The following EPB41L5 variants were observed in gnomAD, a reference collection of about 807,000 sequenced individuals.
EPB41L5 encodes the protein erythrocyte membrane protein band 4.1 like 5.
A neutral mutation model predicts 106.6 loss-of-function variants in EPB41L5; 55 were observed. The observed-to-expected ratio is 0.52, with a 90% confidence interval of 0.42 to 0.65. The LOEUF (loss-of-function observed/expected upper bound fraction) is 0.65, where lower values mean the gene tolerates loss of function less well. EPB41L5 is among the 30% of genes least tolerant of loss of function. The pLI, the probability that EPB41L5 is intolerant of heterozygous loss-of-function variation, is 0.00. For synonymous variants in EPB41L5, 297 were observed against 306.7 expected, an observed-to-expected ratio of 0.97 and a Z score of 0.33; for missense variants, 871 against 882.1, an observed-to-expected ratio of 0.99 and a Z score of 0.16.
chr2:120,102,827 A>G (rs915270905), intron 16 of EPB41L5, among the ~76,000 whole-genome samples: 3 of 152,216 alleles, frequency 2.0e-5, no homozygotes, highest in East Asian at 1.9e-4. Flanking sequence ...TTGAGAAACA[A>G]TTCATGTATT....
Position 120,063,831 on chromosome 2 carries a change from A to G in EPB41L5, c.286-9347A>G, listed in dbSNP as rs182453796. On this transcript the variant is annotated intron_variant, in intron 3 of 24. Coordinates refer to ENST00000263713, the MANE Select transcript of EPB41L5 (RefSeq NM_020909.4). The stretch of plus-strand genomic sequence containing the variant: ...GTGGCGGGCGCCTGTAATCCCAGCT[A>G]CTCAGGAGTCTGAGGCAGGAGAATC... Among the ~76,000 whole-genome samples, 450 of 152,040 alleles carry G rather than the reference A, an allele frequency of 3.0e-3. 1 individual carries two copies. Among genetic ancestry groups the G allele is most frequent in the African/African-American group, 8.8e-3 (365 of 41,494 alleles).
chr2:120,033,977 T>C (rs1366821919), intron 2 of EPB41L5, among the ~76,000 whole-genome samples: 1 of 151,970 alleles, frequency 6.6e-6, no homozygotes, highest in East Asian at 1.9e-4. Flanking sequence ...ACACCTGTGG[T>C]CCCAGCTACT....
chr2:120,149,399 C>T (rs1424709111), intron 20 of EPB41L5, among the ~76,000 whole-genome samples: 2 of 152,274 alleles, frequency 1.3e-5, no homozygotes, highest in South Asian at 2.1e-4. Context: ...CACTGCCTTT[C>T]CCCTAACCCT....
At chr2:120,072,153 C>T (rs879452614) in intron 3 of EPB41L5, among the ~76,000 whole-genome samples, 49 of 152,254 alleles carry the variant, frequency 3.2e-4, no homozygotes, top group Admixed American at 4.6e-4. Flanking sequence ...CAAAAGCAGA[C>T]ATTTATATGG....
chr2:120,100,779 A>G lies in EPB41L5; in HGVS notation c.1302A>G (p.Pro434=), dbSNP rs1434036586. The G allele has an allele frequency of 2.5e-6, 4 of 1,611,788 alleles. No individual in the cohort carries two copies. Among genetic ancestry groups the G allele is most frequent in the Middle Eastern group, 1.7e-4 (1 of 6,060 alleles). Residue 434 remains proline (P), a synonymous_variant, in exon 16 of 25, where the codon CCA becomes CCG. Coordinates refer to ENST00000263713, the MANE Select transcript of EPB41L5 (RefSeq NM_020909.4). The part of the protein sequence containing the change: ...APVPVEIENL[P]QSPGTDQHDR... The stretch of plus-strand genomic sequence containing the variant: ...TGCCAGTGGAGATAGAGAATCTTCC[A>G]CAGAGTCCTGGAACAGACCAGCATG...
chr2:120,116,988 G>C (rs1574702707), intron 16 of EPB41L5, among the ~76,000 whole-genome samples: 1 of 151,846 alleles, frequency 6.6e-6, no homozygotes, highest in Admixed American at 6.6e-5. Flanking sequence ...AAAACATCTT[G>C]GATGTTACCC....
Position 120,091,592 on chromosome 2 carries a change from GCAAGAAGAT to G in EPB41L5, c.1085_1093del (p.Arg362_Ser364del). ...GTATCAGACCACAAAAACCAATAAA[GCAAGAAGAT>G]CAACATCCTTTGAAAGAAGGCCCAG... On this transcript the variant is annotated inframe_deletion, in exon 13 of 25. Coordinates refer to ENST00000263713, the MANE Select transcript of EPB41L5 (RefSeq NM_020909.4). The G allele has an allele frequency of 6.2e-7, 1 of 1,613,752 alleles. No homozygotes were observed. Among genetic ancestry groups the G allele is most frequent in the Non-Finnish European group, 8.5e-7 (1 of 1,179,826 alleles).
chr2:120,120,415 GA>G (rs1685159386), intron 16 of EPB41L5, among the ~76,000 whole-genome samples: 1 of 123,248 alleles, frequency 8.1e-6, no homozygotes, highest in Non-Finnish European at 1.6e-5. Flanking sequence ...CTGGGTGACA[GA>G]GCGACACTCA....
At chr2:120,110,749 C>G (rs1477641540) in intron 16 of EPB41L5, among the ~76,000 whole-genome samples, 2 of 151,874 alleles carry the variant, frequency 1.3e-5, no homozygotes, top group African/African-American at 4.8e-5. Context: ...ATTCTCCAGC[C>G]TCAGCTTCCG....
At chr2:120,096,388 ACTCT>A (rs1179686828) in intron 14 of EPB41L5, among the ~76,000 whole-genome samples, 1 of 150,898 alleles carries the variant, frequency 6.6e-6, no homozygotes, top group African/African-American at 2.4e-5. Flanking sequence ...TTTCTGTGAA[ACTCT>A]CTCCGTGAGA....
chr2:120,130,926 A>C (rs1308132063), intron 17 of EPB41L5, among the ~76,000 whole-genome samples: 5 of 152,210 alleles, frequency 3.3e-5, no homozygotes, highest in African/African-American at 1.2e-4. Context: ...TCAAGTTGAC[A>C]GTGTAAAATT....
intron 10 of EPB41L5, among the ~76,000 whole-genome samples, chr2:120,081,236 T>C (rs1393546388): frequency 6.6e-6 from 1 of 152,174 alleles, no homozygotes; most frequent in African/African-American, 2.4e-5. Flanking sequence ...GTTTTTATGG[T>C]TTTAGGTCTA....
chr2:120,100,022 A>G (rs993268748), intron 14 of EPB41L5, among the ~76,000 whole-genome samples: 1 of 152,248 alleles, frequency 6.6e-6, no homozygotes, highest in Non-Finnish European at 1.5e-5. Context: ...TGGAAACATC[A>G]AATGAGCAAC....
chr2:120,151,559 C>T (rs573386916), intron 20 of EPB41L5, among the ~76,000 whole-genome samples: 1 of 151,878 alleles, frequency 6.6e-6, no homozygotes, highest in East Asian at 1.9e-4. Flanking sequence ...ATCCACCCAC[C>T]TCGGCCTCCC....
At chr2:120,130,366 A>G (rs999236992) in intron 17 of EPB41L5, among the ~76,000 whole-genome samples, 8 of 152,210 alleles carry the variant, frequency 5.3e-5, no homozygotes, top group Non-Finnish European at 1.0e-4. Context: ...AAGGTCATCA[A>G]TCTTGATATC....
intron 2 of EPB41L5, among the ~76,000 whole-genome samples, chr2:120,034,823 G>A (rs548542028): frequency 9.2e-5 from 14 of 152,142 alleles, no homozygotes; most frequent in Non-Finnish European, 1.9e-4. Context: ...CATGCATGCC[G>A]CTGCACTGTA....
intron 18 of EPB41L5, among the ~76,000 whole-genome samples, chr2:120,141,313 C>T (rs960094435): frequency 2.2e-4 from 33 of 152,058 alleles, no homozygotes; most frequent in African/African-American, 7.0e-4. Context: ...CTCCAGTGAC[C>T]ACTTTCTTTC....
intron 18 of EPB41L5, among the ~76,000 whole-genome samples, chr2:120,134,480 C>T (rs1454606403): frequency 3.3e-5 from 5 of 152,156 alleles, no homozygotes; most frequent in Admixed American, 6.5e-5. Flanking sequence ...CCACATACCT[C>T]GGGTGAGACC....
intron 16 of EPB41L5, among the ~76,000 whole-genome samples, chr2:120,127,384 C>T (rs900047347): frequency 1.7e-4 from 26 of 152,218 alleles, no homozygotes; most frequent in Middle Eastern, 6.8e-3. Context: ...TACCAAAATC[C>T]GCAGACGCGC....
Sources: allele counts gnomAD v4.1 joint callset (sites outside exome capture counted in the v4.1 genomes callset), GRCh38; gene constraint gnomAD v4.1.1; transcripts MANE v1.5; gene names NCBI Gene and HGNC (gene_info 2026-07-23, HGNC 2026-07-21).